Variants in PALLD observed in about 807,000 individuals in gnomAD.
PALLD encodes the protein palladin, cytoskeletal associated protein.
In PALLD, 61 loss-of-function variants were observed where a neutral mutation model predicts 123.5. The ratio of observed to expected loss-of-function variants is 0.49; its 90% CI spans 0.40 to 0.61. The LOEUF (loss-of-function observed/expected upper bound fraction) is 0.61, where lower values mean the gene tolerates loss of function less well. PALLD is among the 20% of genes least tolerant of loss of function. The pLI is 0.00. For missense variants in PALLD, 1,273 were observed against 1,377.0 expected, an observed-to-expected ratio of 0.92 and a Z score of 1.20; for synonymous variants, 465 against 496.4, an observed-to-expected ratio of 0.94 and a Z score of 0.84.
Position 168,551,622 on chromosome 4 carries a change from G to A in PALLD, c.908+39210G>A, listed in dbSNP as rs543475489. Among the ~76,000 whole-genome samples, 6 of 151,824 alleles carry A rather than the reference G, an allele frequency of 4.0e-5. No homozygotes were observed. In the South Asian group the frequency reaches 8.3e-4, roughly 21 times the overall value. The stretch of plus-strand genomic sequence containing the variant: ...TATATTAAGACTTTCAAAGGCCCTT[G>A]ACAATAGTTTAGAATAAAAATGATG... On this transcript the variant is annotated intron_variant, in intron 2 of 21. Transcript: ENST00000505667.
chr4:168,927,800 A>AATT lies in PALLD; in HGVS notation c.*1621_*1623dup. On this transcript the variant is annotated 3_prime_UTR_variant, in exon 22 of 22. Transcript: ENST00000505667. ...TGATGGTTTTAAGTCGGAACCGATA[A>AATT]ATTTTAAAAAGGAGAAAAAATAATT... 1 of 216,892 alleles carries AATT rather than the reference A, an allele frequency of 4.6e-6. No individual in the cohort carries two copies. Among genetic ancestry groups the AATT allele is most frequent in the Non-Finnish European group, 9.3e-6 (1 of 107,376 alleles). The allele number at this position is 216,892 out of a possible 1,614,324, so 13.4% of individuals were successfully genotyped here.
At chr4:168,685,810 G>GAAAAAAAAAAAAAAAAAA (rs70961550) in intron 6 of PALLD, among the ~76,000 whole-genome samples, 12 of 65,630 alleles carry the variant, frequency 1.8e-4, no homozygotes, top group Admixed American at 5.8e-4. Context: ...AAGACAGATA[G>GAAAAAAAAAAAAAAAAAA]AAAAAAAAAA....
In PALLD at chr4:168,784,866, G is replaced by A. The variant is rs184599853; in HGVS notation, c.1964+72943G>A. 8.5e-5 allele frequency among the ~76,000 whole-genome samples: 13 copies of A among 152,210 alleles called. No individual in the cohort carries two copies. In the East Asian group the frequency reaches 1.4e-3, roughly 16 times the overall value. On this transcript the variant is annotated intron_variant, in intron 10 of 21. Transcript: ENST00000505667. Reference sequence around the variant, plus strand: ...ACTCTGCAGAGCCACAAACAATGCCGCCTTATGAGCTCTGGTCAGTCTGGT... The same window carrying A: ...ACTCTGCAGAGCCACAAACAATGCCACCTTATGAGCTCTGGTCAGTCTGGT...
chr4:168,521,974 C>T (rs1763610600), intron 2 of PALLD, among the ~76,000 whole-genome samples: 2 of 152,174 alleles, frequency 1.3e-5, no homozygotes, highest in South Asian at 4.1e-4. Flanking sequence ...GTCTCTACTC[C>T]TCCTTCATAC....
chr4:168,923,249 T>C (rs1330218275), intron 18 of PALLD, among the ~76,000 whole-genome samples: 1 of 152,210 alleles, frequency 6.6e-6, no homozygotes, highest in African/African-American at 2.4e-5. Context: ...CCATGTAAAA[T>C]TCAATAAAAA....
intron 10 of PALLD, among the ~76,000 whole-genome samples, chr4:168,805,586 G>A (rs1016175269): frequency 2.0e-5 from 3 of 152,184 alleles, no homozygotes; most frequent in African/African-American, 4.8e-5. Context: ...GCCTCTGTGC[G>A]TGTGTTTCCA....
At position 168,544,719 on chromosome 4, in the gene PALLD, C is replaced by T. The variant is rs1364998091; in HGVS notation, c.908+32307C>T. 2.0e-5 allele frequency among the ~76,000 whole-genome samples: 3 copies of T among 152,240 alleles called. No homozygotes were observed. The East Asian group carries it at 5.8e-4, about 29-fold the overall frequency. On this transcript the variant is annotated intron_variant, in intron 2 of 21. Coordinates refer to ENST00000505667, the MANE Select transcript of PALLD (RefSeq NM_001166108.2). ...TACACTTCTTATTTCCTAGTTTATT[C>T]AGAAAATTCCAAGGCTGTTCACTAA... is the stretch of plus-strand genomic sequence containing the variant.
At chr4:168,804,305 G>T (rs978583349) in intron 10 of PALLD, among the ~76,000 whole-genome samples, 1 of 152,232 alleles carries the variant, frequency 6.6e-6, no homozygotes, top group African/African-American at 2.4e-5. Flanking sequence ...CCACAAGTTG[G>T]TATAGGCCAG....
intron 10 of PALLD, among the ~76,000 whole-genome samples, chr4:168,775,690 TA>T (rs1056837484): frequency 3.5e-4 from 54 of 152,326 alleles, no homozygotes; most frequent in African/African-American, 1.3e-3. Flanking sequence ...ACCTATGATC[TA>T]TTTTAAGTCA....
intron 2 of PALLD, among the ~76,000 whole-genome samples, chr4:168,539,732 C>T (rs1765431551): frequency 6.6e-6 from 1 of 152,034 alleles, no homozygotes. Context: ...TTTTCATCCC[C>T]GTTGGTACCC....
At chr4:168,579,967 T>C (rs1023725728) in intron 2 of PALLD, among the ~76,000 whole-genome samples, 2 of 152,044 alleles carry the variant, frequency 1.3e-5, no homozygotes, top group African/African-American at 4.8e-5. Flanking sequence ...CACCATATTG[T>C]CCATTAAACC....
chr4:168,700,068 G>T (rs548003787), intron 8 of PALLD: 23 of 328,276 alleles, frequency 7.0e-5, no homozygotes, highest in African/African-American at 4.8e-4. Flanking sequence ...TGAAAATTCA[G>T]TATTACAACC....
rs1238798363 is a variant in PALLD at position 168,595,122 on chromosome 4, C to T, written c.909-73068C>T. Among the ~76,000 whole-genome samples the T allele has an allele frequency of 3.3e-5, 5 of 152,100 alleles. No individual in the cohort carries two copies. In the South Asian group the frequency reaches 1.0e-3, roughly 32 times the overall value. ...GAAATTGACTAGATGTCATTAAAGA[C>T]CCCAAATAAATGTTTGCTGTCCTTG... On this transcript the variant is annotated intron_variant, in intron 2 of 21. Transcript: ENST00000505667.
intron 10 of PALLD, among the ~76,000 whole-genome samples, chr4:168,763,090 G>A (rs1160069512): frequency 6.6e-6 from 1 of 152,166 alleles, no homozygotes; most frequent in Non-Finnish European, 1.5e-5. Flanking sequence ...GTTGATGGGT[G>A]CAGCAAACCA....
At chr4:168,625,681 T>C (rs1374017809) in intron 2 of PALLD, among the ~76,000 whole-genome samples, 1 of 151,838 alleles carries the variant, frequency 6.6e-6, no homozygotes, top group Non-Finnish European at 1.5e-5. Context: ...CATCATTAAT[T>C]ACTAGAGAAC....
At chr4:168,646,339 A>G (rs1777449072) in intron 2 of PALLD, among the ~76,000 whole-genome samples, 4 of 152,224 alleles carry the variant, frequency 2.6e-5, no homozygotes, top group Admixed American at 2.0e-4. Context: ...AGTGCAGATG[A>G]CTTCGGGGCC....
chr4:168,648,053 G>A (rs559434966), intron 2 of PALLD: 2 of 152,200 alleles, frequency 1.3e-5, no homozygotes, highest in South Asian at 2.1e-4. Context: ...ACTGTTGACA[G>A]CTTCTGAAGG....
intron 2 of PALLD, among the ~76,000 whole-genome samples, chr4:168,551,016 G>A (rs1206350954): frequency 1.3e-5 from 2 of 152,154 alleles, no homozygotes; most frequent in Non-Finnish European, 2.9e-5. Context: ...TATAAATCCA[G>A]TGACAAAGTT....
Position 168,711,730 on chromosome 4 carries a change from G to A in PALLD, c.1771G>A (p.Glu591Lys), listed in dbSNP as rs772476893. 1 of 1,614,084 alleles carries A rather than the reference G, an allele frequency of 6.2e-7. No homozygotes were observed. The highest frequency in any genetic ancestry group is 8.5e-7 in the Non-Finnish European group (1 of 1,180,042). The change falls in exon 10 of 22, where the codon GAG (glutamate) becomes AAG (lysine). Residue 591 changes from glutamate (E) to lysine (K), a missense_variant. Glu to Lys is a moderately conservative substitution (Grantham distance 56). This residue lies in a region of PALLD where 944 missense variants were observed against 954.5 expected (regional missense o/e 0.99). Transcript: ENST00000505667. ...TGAGATCCAGCAGGTGAACAACCCTGAGTTAGGCCTGAGCAGGGCAGCCCT... is the reference window on the plus strand; with the variant it reads ...TGAGATCCAGCAGGTGAACAACCCTAAGTTAGGCCTGAGCAGGGCAGCCCT... Reference protein sequence around the residue: ...PSEIQQVNNPELGLSRAALQM... With the variant: ...PSEIQQVNNPKLGLSRAALQM...
Sources: allele counts gnomAD v4.1 joint callset (sites outside exome capture counted in the v4.1 genomes callset), GRCh38; gene constraint gnomAD v4.1.1; regional missense constraint gnomAD v4.1.1; transcripts MANE v1.5; gene names NCBI Gene and HGNC (gene_info 2026-07-23, HGNC 2026-07-21).